The following LRRC53 variants were observed in gnomAD, a reference collection of about 807,000 sequenced individuals.
LRRC53 encodes leucine rich repeat containing 53.
Under a neutral mutation model 13.6 loss-of-function variants are expected in LRRC53, and 25 were observed. The observed-to-expected ratio is 1.83, with a 90% CI of 1.34 to 2.56. LRRC53 has a LOEUF of 2.56. LRRC53 is among the 30% of genes most tolerant of loss of function. The pLI is 0.00. For synonymous variants in LRRC53, 204 were observed against 109.8 expected (o/e 1.86, Z -5.37); for missense variants, 527 against 275.8 (o/e 1.91, Z -6.45).
At chr1:74,521,290 T>C in the LRRC53 span, among the ~76,000 whole-genome samples, 3 of 152,286 alleles carry the variant, frequency 2.0e-5, no homozygotes, top group South Asian at 6.2e-4. Context: ...TAGTTGCTCT[T>C]TGCTTCCTAA....
intron 1 of LRRC53, among the ~76,000 whole-genome samples, chr1:74,491,280 C>T (rs754835478): frequency 3.9e-5 from 6 of 152,120 alleles, no homozygotes; most frequent in African/African-American, 7.2e-5. Flanking sequence ...AGTGCAGTGG[C>T]GCAATCTCAG....
intron 1 of LRRC53, among the ~76,000 whole-genome samples, chr1:74,506,794 A>AT (rs1669926753): frequency 6.6e-6 from 1 of 151,952 alleles, no homozygotes; most frequent in African/African-American, 2.4e-5. Context: ...CTCTTTCTAG[A>AT]TTTTTTTCCT....
chr1:74,472,754 TTAAA>T (rs1668001143), intron 4 of LRRC53, among the ~76,000 whole-genome samples: 1 of 152,186 alleles, frequency 6.6e-6, no homozygotes, highest in Admixed American at 6.5e-5. Flanking sequence ...TAAATATTTG[TTAAA>T]TAAATAGGTA....
chr1:74,470,917 G>C lies in LRRC53; in HGVS notation c.2705C>G (p.Thr902Arg). The C allele has an allele frequency of 2.5e-6, 1 of 400,568 alleles. No individual in the cohort carries two copies. The highest frequency in any genetic ancestry group is 1.3e-4 in the South Asian group (1 of 7,948). The allele number at this position is 400,568 out of a possible 1,614,324, so 24.8% of individuals were successfully genotyped here. ...CTGTCCCATGTGCTCAGTGGACTCC[G>C]TTGTCCCTTGGTCAGTAGCCCTCCT... ...HSRRATDQGT[T>R]ESTEHMGQNV... The change falls in exon 5 of 5, where the codon ACG (threonine) becomes AGG (arginine). Residue 902 changes from threonine (T) to arginine (R), a missense_variant. Physicochemically the swap from Thr to Arg is moderately conservative, Grantham distance 71 (BLOSUM62 -1). Coordinates refer to ENST00000294635, the MANE Select transcript of LRRC53 (RefSeq NM_001382280.1).
intron 1 of LRRC53, among the ~76,000 whole-genome samples, chr1:74,484,504 T>A (rs1465302741): frequency 6.6e-6 from 1 of 152,072 alleles, no homozygotes; most frequent in Non-Finnish European, 1.5e-5. Flanking sequence ...TGCTCTAGAA[T>A]AAATAAAACA....
chr1:74,489,009 A>T (rs1003569252), intron 1 of LRRC53, among the ~76,000 whole-genome samples: 1 of 152,212 alleles, frequency 6.6e-6, no homozygotes, highest in African/African-American at 2.4e-5. Context: ...GAGACTCAAC[A>T]TCTCTCCATG....
At chr1:74,529,111 A>C in the LRRC53 span, among the ~76,000 whole-genome samples, 1 of 152,232 alleles carries the variant, frequency 6.6e-6, no homozygotes. Flanking sequence ...AGTAAATAAA[A>C]TTTGGCTGAG....
chr1:74,515,636 C>T (rs1396333480), upstream of LRRC53, among the ~76,000 whole-genome samples: 1 of 151,954 alleles, frequency 6.6e-6, no homozygotes, highest in African/African-American at 2.4e-5. Flanking sequence ...GGCTGACATC[C>T]GATGTAGTCA....
At chr1:74,536,601 A>G in the LRRC53 span, among the ~76,000 whole-genome samples, 3 of 152,148 alleles carry the variant, frequency 2.0e-5, no homozygotes, top group Non-Finnish European at 2.9e-5. Flanking sequence ...ACATGGTAGT[A>G]TGCAAAAACT....
rs45522635 is a variant in LRRC53, at chr1:74,493,013, A to G, written c.-26-9638T>C. ...CCTTTATCTTCTTATAAGGGCACCA[A>G]CTCTACTGGATCAGGGCTTTACATT... On this transcript the variant is annotated intron_variant, in intron 1 of 4. Coordinates refer to ENST00000294635, the MANE Select transcript of LRRC53 (RefSeq NM_001382280.1). Among the ~76,000 whole-genome samples the G allele has an allele frequency of 1.9e-3, 284 of 152,148 alleles. 1 individual carries two copies. The highest frequency in any genetic ancestry group is 5.9e-3 in the African/African-American group (244 of 41,502).
At chr1:74,522,598 C>A in the LRRC53 span, among the ~76,000 whole-genome samples, 2 of 151,812 alleles carry the variant, frequency 1.3e-5, no homozygotes, top group Non-Finnish European at 2.9e-5. Flanking sequence ...TGCATATTCC[C>A]AAAATGTAAG....
intron 1 of LRRC53, among the ~76,000 whole-genome samples, chr1:74,510,221 C>A (rs1274285115): frequency 1.3e-5 from 2 of 152,118 alleles, no homozygotes; most frequent in African/African-American, 4.8e-5. Flanking sequence ...TTAAAAAGAT[C>A]TGAGGCCAGG....
chr1:74,483,895 C>G (rs1462172853), intron 1 of LRRC53, among the ~76,000 whole-genome samples: 1 of 152,078 alleles, frequency 6.6e-6, no homozygotes, highest in Non-Finnish European at 1.5e-5. Context: ...AAATGCCACA[C>G]CTAGGGAGTG....
At chr1:74,525,257 G>A in the LRRC53 span, among the ~76,000 whole-genome samples, 3 of 152,324 alleles carry the variant, frequency 2.0e-5, no homozygotes, top group African/African-American at 7.2e-5. Flanking sequence ...CCTCCTGTGT[G>A]TTAGGGATTC....
At chr1:74,494,591 A>G (rs967155007) in intron 1 of LRRC53, among the ~76,000 whole-genome samples, 4 of 152,096 alleles carry the variant, frequency 2.6e-5, no homozygotes, top group Admixed American at 1.3e-4. Flanking sequence ...TTTTAAAGCT[A>G]TTTCTCTGAA....
chr1:74,480,583 A>G lies in LRRC53; in HGVS notation c.474T>C (p.Ser158=). The G allele has an allele frequency of 1.4e-6, 1 of 717,266 alleles. No individual in the cohort carries two copies. Among genetic ancestry groups the G allele is most frequent in the Admixed American group, 2.0e-5 (1 of 50,028 alleles). 44.4% of individuals were successfully genotyped at this position (717,266 alleles called of 1,614,324 possible). The change falls in exon 3 of 5, where the codon AGT becomes AGC. Residue 158 remains serine, a synonymous_variant. Coordinates refer to ENST00000294635, the MANE Select transcript of LRRC53 (RefSeq NM_001382280.1). ...TGTTGGATAAATCCAGATACCTGAG[A>G]CTGTGGAGATTCGTGCCTCCGAAAG... The part of the protein sequence containing the change: ...DSSFGGTNLH[S]LRYLDLSNNF...
intron 3 of LRRC53, among the ~76,000 whole-genome samples, chr1:74,477,499 A>T (rs560835494): frequency 7.9e-5 from 12 of 152,316 alleles, no homozygotes; most frequent in Admixed American, 4.6e-4. Context: ...ATAAATCATT[A>T]TGATGATATT....
At chr1:74,535,462 C>T in the LRRC53 span, among the ~76,000 whole-genome samples, 2 of 152,078 alleles carry the variant, frequency 1.3e-5, no homozygotes, top group African/African-American at 2.4e-5. Context: ...TGAGAGGGAC[C>T]GTGTCTCAAA....
chr1:74,478,394 T>C (rs1668310193), intron 3 of LRRC53, among the ~76,000 whole-genome samples: 2 of 152,232 alleles, frequency 1.3e-5, no homozygotes, highest in South Asian at 4.1e-4. Flanking sequence ...TCTTCTAGAA[T>C]TTGTATTCAT....
Sources: gnomAD v4.1 joint callset for allele counts (sites outside exome capture counted in the v4.1 genomes callset) on GRCh38, gnomAD v4.1.1 for gene constraint, MANE v1.5 for transcripts, NCBI Gene and HGNC (gene_info 2026-07-23, HGNC 2026-07-21) for gene names.